TTC39B: variants seen among roughly 807,000 people sequenced by gnomAD.
The protein encoded by TTC39B is tetratricopeptide repeat protein 39B.
TTC39B carries 92 observed loss-of-function variants against 96.6 expected under a neutral mutation model. The ratio of observed to expected loss-of-function variants is 0.95; its 90% CI spans 0.80 to 1.13. The LOEUF (loss-of-function observed/expected upper bound fraction) is 1.13, where lower values mean the gene tolerates loss of function less well. TTC39B is among the 50% of genes most tolerant of loss of function. TTC39B has a pLI of 0.00. For missense variants in TTC39B, 955 were observed against 809.3 expected (o/e 1.18, Z -2.18); for synonymous variants, 367 against 299.4 (o/e 1.23, Z -2.33).
At chr9:15,269,479 G>C (rs578182902) in intron 1 of TTC39B, among the ~76,000 whole-genome samples, 9 of 152,354 alleles carry the variant, frequency 5.9e-5, no homozygotes, top group African/African-American at 2.2e-4. Flanking sequence ...CTTTTCCCTT[G>C]TGTGGCCATT....
At chr9:15,196,611 TGA>T (rs1159323490) in intron 8 of TTC39B, among the ~76,000 whole-genome samples, 2 of 152,250 alleles carry the variant, frequency 1.3e-5, no homozygotes, top group African/African-American at 4.8e-5. Flanking sequence ...CTTTAATGGA[TGA>T]GGAGTTGCCT....
chr9:15,164,955 T>A (rs1817490945), exon 20 of TTC39B: 1 of 152,236 alleles, frequency 6.6e-6, no homozygotes, highest in Admixed American at 6.5e-5. Context: ...ATAATCTCTG[T>A]TTATGTAAAT....
At chr9:15,228,230 G>A (rs1383967554) in intron 2 of TTC39B, among the ~76,000 whole-genome samples, 2 of 152,134 alleles carry the variant, frequency 1.3e-5, no homozygotes, top group Admixed American at 6.5e-5. Context: ...TTGGGAGGCT[G>A]AGGCAGGCAG....
At chr9:15,273,359 G>A (rs1011354449) in intron 1 of TTC39B, among the ~76,000 whole-genome samples, 1 of 152,102 alleles carries the variant, frequency 6.6e-6, no homozygotes, top group Non-Finnish European at 1.5e-5. Context: ...AAATATTACT[G>A]CAAGAAGGAA....
intron 2 of TTC39B, among the ~76,000 whole-genome samples, chr9:15,233,892 A>C (rs544539469): frequency 6.8e-6 from 1 of 146,426 alleles, no homozygotes; most frequent in South Asian, 2.2e-4. Context: ...CCTGGCTGCC[A>C]TCCCATCTAG....
chr9:15,263,049 T>C (rs926623874), intron 2 of TTC39B, among the ~76,000 whole-genome samples: 1 of 152,212 alleles, frequency 6.6e-6, no homozygotes, highest in African/African-American at 2.4e-5. Context: ...AATTAACATG[T>C]ATTTATAATC....
At chr9:15,286,608 T>C (rs1287648078) in intron 1 of TTC39B, among the ~76,000 whole-genome samples, 1 of 152,216 alleles carries the variant, frequency 6.6e-6, no homozygotes, top group Non-Finnish European at 1.5e-5. Context: ...TAGTGTAAGA[T>C]AGGTAAACAT....
Position 15,210,069 on chromosome 9 carries a change from TC to T in TTC39B, c.691+18del, listed in dbSNP as rs1256561771. 6.5e-7 allele frequency: 1 copy of T among 1,550,218 alleles called. No individual in the cohort carries two copies. Among genetic ancestry groups the T allele is most frequent in the Admixed American group, 1.9e-5 (1 of 52,328 alleles). On this transcript the variant is annotated intron_variant, in intron 6 of 19. Coordinates refer to ENST00000512701, the Ensembl canonical transcript of TTC39B. The stretch of plus-strand genomic sequence containing the variant: ...CTATTAAAATCAAGGAAAAAAGTGA[TC>T]TTTTAAATGACTTTTACCTTCACTC...
intron 1 of TTC39B, among the ~76,000 whole-genome samples, chr9:15,293,738 T>G (rs1166816588): frequency 6.6e-6 from 1 of 152,226 alleles, no homozygotes; most frequent in Non-Finnish European, 1.5e-5. Flanking sequence ...TTACATATTT[T>G]AAGTTTGGCC....
intron 18 of TTC39B, among the ~76,000 whole-genome samples, chr9:15,176,134 G>C (rs1817925081): frequency 6.6e-6 from 1 of 152,130 alleles, no homozygotes; most frequent in South Asian, 2.1e-4. Context: ...AACCTTTAGG[G>C]TACCTGACAG....
intron 1 of TTC39B, among the ~76,000 whole-genome samples, chr9:15,290,895 T>C (rs545298852): frequency 1.3e-5 from 2 of 152,300 alleles, no homozygotes; most frequent in African/African-American, 2.4e-5. Context: ...GTATCCTCTA[T>C]CTTGGCAAAA....
Position 15,292,494 on chromosome 9 carries a change from C to A in TTC39B, c.240+14590G>T, listed in dbSNP as rs61415307. ...GTATTTATTATACTGTACTATTAAT[C>A]GTGATTTTAGAGGGTACCCTTCTCC... On this transcript the variant is annotated intron_variant, in intron 1 of 19. Transcript: ENST00000512701. Among the ~76,000 whole-genome samples the A allele has an allele frequency of 8.9e-3, 1,351 of 152,220 alleles. 17 individuals carry two copies. The highest frequency in any genetic ancestry group is 0.031 in the African/African-American group (1,267 of 41,532).
At chr9:15,299,788 A>T (rs1379786535) in intron 1 of TTC39B, among the ~76,000 whole-genome samples, 1 of 152,138 alleles carries the variant, frequency 6.6e-6, no homozygotes, top group Non-Finnish European at 1.5e-5. Flanking sequence ...ATTCACACTA[A>T]ATGACTGGTA....
At chr9:15,164,943 C>T (rs1817490661) in exon 20 of TTC39B, 1 of 152,160 alleles carries the variant, frequency 6.6e-6, no homozygotes, top group South Asian at 2.1e-4. Flanking sequence ...AAAATGTTTA[C>T]CATAATCTCT....
intron 3 of TTC39B, among the ~76,000 whole-genome samples, chr9:15,224,792 A>G (rs868616216): frequency 6.6e-6 from 1 of 151,980 alleles, no homozygotes; most frequent in African/African-American, 2.4e-5. Flanking sequence ...CACACACAGT[A>G]AAAAAAAGGA....
chr9:15,296,384 A>G (rs1011593999), intron 1 of TTC39B, among the ~76,000 whole-genome samples: 1 of 152,224 alleles, frequency 6.6e-6, no homozygotes, highest in East Asian at 1.9e-4. Flanking sequence ...AGGGAAAGTG[A>G]AACCAAACAA....
chr9:15,233,327 G>GCCCTCTCCCTCT (rs768879040), intron 2 of TTC39B, among the ~76,000 whole-genome samples: 2 of 151,890 alleles, frequency 1.3e-5, no homozygotes, highest in African/African-American at 2.4e-5. Flanking sequence ...AGAAAACCTC[G>GCCCTCTCCCTCT]CCCTCTCCCT....
At chr9:15,283,869 T>C (rs934436723) in intron 1 of TTC39B, among the ~76,000 whole-genome samples, 3 of 152,006 alleles carry the variant, frequency 2.0e-5, no homozygotes, top group Non-Finnish European at 4.4e-5. Context: ...GAGATAAATA[T>C]AAAAATTTTA....
intron 3 of TTC39B, among the ~76,000 whole-genome samples, chr9:15,216,246 T>C (rs1028591738): frequency 6.6e-6 from 1 of 152,218 alleles, no homozygotes; most frequent in African/African-American, 2.4e-5. Flanking sequence ...GAGGTTGTTT[T>C]AGTCATTCCT....
Sources: gnomAD v4.1 joint callset for allele counts (sites outside exome capture counted in the v4.1 genomes callset) on GRCh38, gnomAD v4.1.1 for gene constraint, MANE v1.5 for transcripts, NCBI Gene and HGNC (gene_info 2026-07-23, HGNC 2026-07-21) for gene names.